The following PDE3B variants were observed in gnomAD, a reference collection of about 807,000 sequenced individuals.
PDE3B encodes phosphodiesterase 3B.
PDE3B carries 66 observed loss-of-function variants against 116.8 expected under a neutral mutation model. That is an observed-to-expected ratio of 0.56 (90% confidence interval 0.46 to 0.69). The LOEUF is 0.69. Ranked by LOEUF, PDE3B falls within the 30% of genes least tolerant of loss-of-function variation. The pLI, the probability that PDE3B is intolerant of heterozygous loss-of-function variation, is 0.00. For missense variants in PDE3B, 1,384 were observed against 1,368.1 expected, an observed-to-expected ratio of 1.01 and a Z score of -0.18; for synonymous variants, 595 against 533.6, an observed-to-expected ratio of 1.12 and a Z score of -1.59.
chr11:14,885,278 G>A, the PDE3B span, among the ~76,000 whole-genome samples: 1 of 152,042 alleles, frequency 6.6e-6, no homozygotes, highest in African/African-American at 2.4e-5. Flanking sequence ...TGTTGAATAT[G>A]GAATCCCCAA....
intron 12 of PDE3B, among the ~76,000 whole-genome samples, chr11:14,851,437 G>T (rs1484518676): frequency 1.3e-5 from 2 of 151,698 alleles, no homozygotes; most frequent in African/African-American, 4.8e-5. Context: ...TGAATTGTGA[G>T]CATGTGTGTT....
At chr11:14,726,229 T>C (rs898983622) in intron 1 of PDE3B, among the ~76,000 whole-genome samples, 1 of 152,228 alleles carries the variant, frequency 6.6e-6, no homozygotes, top group Admixed American at 6.5e-5. Context: ...TATCATTCTG[T>C]ATTCCCTTAG....
chr11:14,752,972 A>G (rs1857094048), intron 1 of PDE3B, among the ~76,000 whole-genome samples: 1 of 152,054 alleles, frequency 6.6e-6, no homozygotes, highest in African/African-American at 2.4e-5. Flanking sequence ...TTCAGTGACC[A>G]TAGCTAAACT....
Position 14,778,006 on chromosome 11 carries a change from C to T in PDE3B, c.1029+6019C>T, listed in dbSNP as rs552850273. 7.9e-5 allele frequency among the ~76,000 whole-genome samples: 12 copies of T among 152,334 alleles called. No individual in the cohort carries two copies. In the East Asian group the frequency reaches 2.3e-3, roughly 29 times the overall value. On this transcript the variant is annotated intron_variant, in intron 2 of 15. Coordinates refer to ENST00000282096, the MANE Select transcript of PDE3B (RefSeq NM_000922.4). Reference sequence around the variant, plus strand: ...TCCAACGGTCTTAGCAAACGGCACACCAGGAGATTATGTCCTGTGCCTGGC... The same window carrying T: ...TCCAACGGTCTTAGCAAACGGCACATCAGGAGATTATGTCCTGTGCCTGGC...
chr11:14,695,764 A>T (rs532577135), intron 1 of PDE3B, among the ~76,000 whole-genome samples: 1 of 151,756 alleles, frequency 6.6e-6, no homozygotes, highest in South Asian at 2.1e-4. Flanking sequence ...AAGAACATGC[A>T]GTGTTTGGTT....
chr11:14,670,604 A>C (rs1225999496), intron 1 of PDE3B, among the ~76,000 whole-genome samples: 1 of 152,148 alleles, frequency 6.6e-6, no homozygotes, highest in Non-Finnish European at 1.5e-5. Flanking sequence ...TTTACATACC[A>C]AGGGAAGTTT....
chr11:14,727,085 C>T lies in PDE3B; in HGVS notation c.979-44852C>T, dbSNP rs1024322165. Among the ~76,000 whole-genome samples the T allele has an allele frequency of 7.2e-5, 11 of 152,226 alleles. No homozygotes were observed. In the South Asian group the frequency reaches 2.3e-3, roughly 31 times the overall value. ...TACCTTTCTCCTCAAACCTATCTAC[C>T]AAAGTTCTCTTTCTTCTTTAATTTC... On this transcript the variant is annotated intron_variant, in intron 1 of 15. Transcript: ENST00000282096.
chr11:14,869,668 T>A lies in PDE3B; in HGVS notation c.*8T>A, dbSNP rs201501383. The stretch of plus-strand genomic sequence containing the variant: ...GCAGATGAAGAGGAATAGCGACAGT[T>A]TGAGTAAAAGAAAAGTCATATTGAA... On this transcript the variant is annotated 3_prime_UTR_variant, in exon 16 of 16. Coordinates refer to ENST00000282096, the MANE Select transcript of PDE3B (RefSeq NM_000922.4). The A allele has an allele frequency of 6.2e-7, 1 of 1,611,150 alleles. No homozygotes were observed. Among genetic ancestry groups the A allele is most frequent in the East Asian group, 2.2e-5 (1 of 44,842 alleles).
chr11:14,670,291 A>T (rs1854324317), intron 1 of PDE3B, among the ~76,000 whole-genome samples: 1 of 152,180 alleles, frequency 6.6e-6, no homozygotes, highest in South Asian at 2.1e-4. Context: ...TAATAGTTTT[A>T]TTTTAGAGTA....
intron 2 of PDE3B, among the ~76,000 whole-genome samples, chr11:14,783,340 C>G (rs1467513795): frequency 6.6e-6 from 1 of 152,168 alleles, no homozygotes; most frequent in Non-Finnish European, 1.5e-5. Context: ...TTCACAATAG[C>G]AAAGACTTGG....
chr11:14,881,462 A>G, the PDE3B span, among the ~76,000 whole-genome samples: 2 of 152,054 alleles, frequency 1.3e-5, no homozygotes, highest in Non-Finnish European at 2.9e-5. Context: ...CAGTGCACAT[A>G]TTTATGTAAC....
chr11:14,807,071 C>T (rs1464887250), intron 5 of PDE3B, among the ~76,000 whole-genome samples: 1 of 151,804 alleles, frequency 6.6e-6, no homozygotes, highest in African/African-American at 2.4e-5. Flanking sequence ...AACACATGGA[C>T]ACAGGGAGGG....
intron 4 of PDE3B, among the ~76,000 whole-genome samples, chr11:14,796,679 T>C (rs1163141645): frequency 6.6e-6 from 1 of 152,232 alleles, no homozygotes; most frequent in Non-Finnish European, 1.5e-5. Context: ...TTGAGAAGTG[T>C]CTGTTCATAT....
At chr11:14,706,086 A>G (rs148738909) in intron 1 of PDE3B, among the ~76,000 whole-genome samples, 2,219 of 151,658 alleles carry the variant, frequency 0.015, 30 homozygotes, top group Admixed American at 0.032. Context: ...TGTAATAGCA[A>G]TAACCTACCT....
chr11:14,772,695 C>A (rs933591531), intron 2 of PDE3B: 8 of 151,486 alleles, frequency 5.3e-5, no homozygotes, highest in African/African-American at 9.7e-5. Context: ...TTTTGAACAC[C>A]TAAGTAATAT....
At chr11:14,756,877 G>A (rs1438197056) in intron 1 of PDE3B, among the ~76,000 whole-genome samples, 3 of 149,408 alleles carry the variant, frequency 2.0e-5, no homozygotes, top group East Asian at 4.0e-4. Flanking sequence ...ATGTATACAT[G>A]TGCCATGCTG....
intron 12 of PDE3B, among the ~76,000 whole-genome samples, chr11:14,856,714 C>T (rs1206818623): frequency 2.0e-5 from 3 of 151,938 alleles, no homozygotes; most frequent in Non-Finnish European, 2.9e-5. Flanking sequence ...ATTAGCTGGG[C>T]GTGGTGGCGG....
intron 1 of PDE3B, among the ~76,000 whole-genome samples, chr11:14,663,028 G>A (rs1342490294): frequency 6.6e-6 from 1 of 151,926 alleles, no homozygotes; most frequent in Non-Finnish European, 1.5e-5. Context: ...AAGTTGAAAT[G>A]AAGGAAAAAA....
intron 1 of PDE3B, among the ~76,000 whole-genome samples, chr11:14,647,960 T>G (rs552530665): frequency 2.0e-5 from 3 of 151,666 alleles, no homozygotes; most frequent in South Asian, 2.1e-4. Context: ...ATTTAGAGAT[T>G]TGAAGCCCAA....
Sources: gnomAD v4.1 joint callset for allele counts (sites outside exome capture counted in the v4.1 genomes callset) on GRCh38, gnomAD v4.1.1 for gene constraint, MANE v1.5 for transcripts, NCBI Gene and HGNC (gene_info 2026-07-23, HGNC 2026-07-21) for gene names.